Variants in FRYL observed in about 807,000 individuals in gnomAD.
FRYL encodes FRY like transcription coactivator, also known as protein furry homolog-like.
In FRYL, 150 loss-of-function variants were observed where a neutral mutation model predicts 351.2. The observed-to-expected ratio is 0.43, with a 90% CI of 0.37 to 0.49. The LOEUF is 0.49. Among genes scored for constraint, FRYL ranks in the 20% least tolerant of loss-of-function variants. The pLI, the probability that FRYL is intolerant of heterozygous loss-of-function variation, is 0.00. For missense variants in FRYL, 3,036 were observed against 3,619.3 expected (o/e 0.84, Z 4.13); for synonymous variants, 1,153 against 1,257.1 (o/e 0.92, Z 1.75).
chr4:48,559,226 A>G (rs1306345634), intron 33 of FRYL, among the ~76,000 whole-genome samples: 1 of 152,106 alleles, frequency 6.6e-6, no homozygotes, highest in African/African-American at 2.4e-5. Flanking sequence ...CATCAATTTT[A>G]TTACCTCTGG....
At chr4:48,542,772 T>G (rs1238243765) in intron 44 of FRYL, among the ~76,000 whole-genome samples, 1 of 152,144 alleles carries the variant, frequency 6.6e-6, no homozygotes, top group Admixed American at 6.5e-5. Context: ...TCTACCTCCA[T>G]AACTTCCCTT....
chr4:48,524,187 T>G (rs1292183937), intron 53 of FRYL, among the ~76,000 whole-genome samples: 2 of 152,120 alleles, frequency 1.3e-5, no homozygotes, highest in Admixed American at 1.3e-4. Flanking sequence ...AATCTTTTTT[T>G]TTTTTTTGAA....
At chr4:48,663,681 A>C (rs1761214917) in intron 3 of FRYL, among the ~76,000 whole-genome samples, 1 of 148,814 alleles carries the variant, frequency 6.7e-6, no homozygotes, top group Admixed American at 6.8e-5. Flanking sequence ...AGGCTGAGGC[A>C]GGAGAATGGC....
chr4:48,635,646 T>A (rs1300855256), intron 3 of FRYL, among the ~76,000 whole-genome samples: 1 of 152,204 alleles, frequency 6.6e-6, no homozygotes, highest in Non-Finnish European at 1.5e-5. Flanking sequence ...GCAGCCTACT[T>A]GGCTTCCTAC....
intron 2 of FRYL, among the ~76,000 whole-genome samples, chr4:48,700,539 C>T (rs896424049): frequency 3.9e-5 from 6 of 152,092 alleles, no homozygotes; most frequent in African/African-American, 1.2e-4. Context: ...ACAGTGGTCA[C>T]GCCTGTAATC....
intron 3 of FRYL, among the ~76,000 whole-genome samples, chr4:48,669,672 A>C (rs1403485637): frequency 7.8e-6 from 1 of 128,024 alleles, no homozygotes; most frequent in Non-Finnish European, 1.7e-5. Context: ...AATTATGTAT[A>C]TCCTCTTTAT....
chr4:48,687,729 C>A (rs1482822065), intron 2 of FRYL, among the ~76,000 whole-genome samples: 1 of 151,964 alleles, frequency 6.6e-6, no homozygotes. Context: ...GCAAATAGAG[C>A]AAAAATTAAG....
intron 3 of FRYL, among the ~76,000 whole-genome samples, chr4:48,672,124 A>G (rs927935471): frequency 6.6e-6 from 1 of 152,228 alleles, no homozygotes; most frequent in Non-Finnish European, 1.5e-5. Flanking sequence ...CTGAACAATT[A>G]TCAATTTTGT....
At chr4:48,501,865 G>C (rs1719753805) in intron 61 of FRYL, 132 bp from the exon 62 acceptor site, 2 of 614,182 alleles carry the variant, frequency 3.3e-6, no homozygotes, top group South Asian at 4.0e-5. Context: ...GTATGAAGCT[G>C]ATGAAAGGCA....
At position 48,505,535 on chromosome 4, in the gene FRYL, C is replaced by G. The variant is rs557956353; in HGVS notation, c.8463+12G>C. 27 of 1,569,858 alleles carry G rather than the reference C, an allele frequency of 1.7e-5. No homozygotes were observed. In the East Asian group the frequency reaches 5.6e-4, roughly 33 times the overall value. On this transcript the variant is annotated intron_variant, in intron 60 of 63. Transcript: ENST00000358350. ...AAAATGTATGTTGCAAAAACAGGAA[C>G]AAGAAACTTACTTGTGCATCTGTGT...
In FRYL at chr4:48,595,676, C is replaced by T; in HGVS notation, c.1162G>A (p.Ala388Thr). The T allele has an allele frequency of 6.2e-7, 1 of 1,612,014 alleles. No homozygotes were observed. Among genetic ancestry groups the T allele is most frequent in the Non-Finnish European group, 8.5e-7 (1 of 1,178,418 alleles). ...CTTCGTGAGCCTTTTGGAAAAAGTG[C>T]TGACACTATGCTCATAAGACGACTA... ...TQSRLMSIVS[A>T]LFPKGSRSVV... Residue 388 changes from alanine to threonine, a missense_variant, in exon 15 of 64, where the codon GCA (alanine) becomes ACA (threonine). By Grantham distance (58) the Ala-to-Thr change is moderately conservative. Coordinates refer to ENST00000358350, the MANE Select transcript of FRYL (RefSeq NM_015030.2).
chr4:48,654,850 AT>A (rs1160228636), intron 3 of FRYL, among the ~76,000 whole-genome samples: 4 of 152,210 alleles, frequency 2.6e-5, no homozygotes, highest in African/African-American at 9.6e-5. Flanking sequence ...CACAACCAAA[AT>A]GAACAAATAA....
intron 33 of FRYL, 35 bp downstream of exon 33, chr4:48,561,433 C>G: frequency 7.4e-7 from 1 of 1,344,078 alleles, no homozygotes; most frequent in East Asian, 2.5e-5. Flanking sequence ...AAATGATTGA[C>G]AAATAGAAAC....
Position 48,590,779 on chromosome 4 carries a change from G to T in FRYL, c.1387C>A (p.Gln463Lys). The T allele has an allele frequency of 6.2e-7, 1 of 1,613,750 alleles. No individual in the cohort carries two copies. The highest frequency in any genetic ancestry group is 8.5e-7 in the Non-Finnish European group (1 of 1,179,808). Residue 463 changes from glutamine to lysine, a missense_variant, in exon 17 of 64, where the codon CAG (glutamine) becomes AAG (lysine). By Grantham distance (53) the Gln-to-Lys change is moderately conservative. This residue lies in a region of FRYL where 457 missense variants were observed against 566.6 expected (regional missense o/e 0.81). Coordinates refer to ENST00000358350, the MANE Select transcript of FRYL (RefSeq NM_015030.2). ...VFLVIADSLQQKDGEPPMPTT... is the reference protein window; with the variant it reads ...VFLVIADSLQKKDGEPPMPTT... ...GGCATGGGTGGTTCACCATCTTTCT[G>T]CTGCAAACTGTCTGCTATTACAAGG...
intron 36 of FRYL, 61 bp from the exon 37 acceptor site, chr4:48,551,639 C>A: frequency 1.0e-6 from 1 of 971,678 alleles, no homozygotes; most frequent in Non-Finnish European, 1.6e-6. Flanking sequence ...CCAATAAGAA[C>A]AAAAGATCTC....
rs148236620 is a variant in FRYL at position 48,769,920 on chromosome 4, TA to T, written c.-384+10157del. 4.5e-3 allele frequency among the ~76,000 whole-genome samples: 678 copies of T among 151,874 alleles called. 8 individuals carry two copies. Among genetic ancestry groups the T allele is most frequent in the African/African-American group, 0.015 (605 of 41,410 alleles). ...CTGCCAGTAAATACGGAAAAGGAGG[TA>T]GGGGGGAACCTTGAGCTTCACGAGG... is the stretch of plus-strand genomic sequence containing the variant. On this transcript the variant is annotated intron_variant, in intron 1 of 63. Transcript: ENST00000358350.
intron 53 of FRYL, among the ~76,000 whole-genome samples, chr4:48,525,864 G>A (rs1726055696): frequency 6.6e-6 from 1 of 151,638 alleles, no homozygotes; most frequent in South Asian, 2.1e-4. Context: ...TGTATGAGCT[G>A]TATATGAGTA....
chr4:48,524,162 G>A (rs531095830), intron 53 of FRYL, among the ~76,000 whole-genome samples: 1 of 150,968 alleles, frequency 6.6e-6, no homozygotes, highest in South Asian at 2.1e-4. Flanking sequence ...GAATTGTCCA[G>A]ATTAGAAGTT....
intron 1 of FRYL, among the ~76,000 whole-genome samples, chr4:48,742,185 T>C (rs754046819): frequency 2.0e-5 from 3 of 152,208 alleles, no homozygotes; most frequent in Non-Finnish European, 4.4e-5. Context: ...CTCTGAAAAG[T>C]TGTCTTTTTT....
Sources: gnomAD v4.1 joint callset for allele counts (sites outside exome capture counted in the v4.1 genomes callset) on GRCh38, gnomAD v4.1.1 for gene constraint, gnomAD v4.1.1 regional missense constraint, MANE v1.5 for transcripts, NCBI Gene and HGNC (gene_info 2026-07-23, HGNC 2026-07-21) for gene names.